ELF1: variants seen among roughly 807,000 people sequenced by gnomAD.
The protein encoded by ELF1 is ETS-related transcription factor Elf-1.
A neutral mutation model predicts 59.9 loss-of-function variants in ELF1; 24 were observed. The ratio of observed to expected loss-of-function variants is 0.40; its 90% CI spans 0.29 to 0.56. The LOEUF is 0.56. ELF1 is among the 20% of genes least tolerant of loss of function. ELF1 has a pLI of 0.44. For missense variants in ELF1, 627 were observed against 742.2 expected (o/e 0.84, Z 1.80); for synonymous variants, 248 against 266.2 (o/e 0.93, Z 0.67).
At chr13:41,001,298 T>C (rs1408010767) in intron 1 of ELF1, among the ~76,000 whole-genome samples, 1 of 151,928 alleles carries the variant, frequency 6.6e-6, no homozygotes, top group Non-Finnish European at 1.5e-5. Context: ...AATTATTATT[T>C]ATATGAAGGC....
intron 1 of ELF1, among the ~76,000 whole-genome samples, chr13:40,987,584 CAAAAA>C (rs374604821): frequency 1.5e-5 from 1 of 68,406 alleles, no homozygotes; most frequent in African/African-American, 4.5e-5. Context: ...GACTCTGTCT[CAAAAA>C]AAAAAAAAAA....
intron 2 of ELF1, among the ~76,000 whole-genome samples, chr13:40,977,535 A>G (rs944718674): frequency 1.3e-5 from 2 of 152,202 alleles, no homozygotes; most frequent in Admixed American, 1.3e-4. Flanking sequence ...AACCCTATTA[A>G]TAGTGTCAGT....
intron 1 of ELF1, among the ~76,000 whole-genome samples, chr13:41,039,335 TTAA>T (rs903395217): frequency 7.8e-5 from 11 of 141,812 alleles, no homozygotes; most frequent in African/African-American, 1.8e-4. Context: ...AGTCCTTTTT[TTAA>T]AAAAAAAAAA....
At chr13:40,974,313 A>G (rs1231242808) in intron 2 of ELF1, among the ~76,000 whole-genome samples, 2 of 152,190 alleles carry the variant, frequency 1.3e-5, no homozygotes, top group Non-Finnish European at 2.9e-5. Flanking sequence ...GCAGGATATA[A>G]TAATTCTTCC....
intron 1 of ELF1, among the ~76,000 whole-genome samples, chr13:41,015,624 G>A (rs1181580678): frequency 2.0e-5 from 3 of 152,028 alleles, no homozygotes; most frequent in African/African-American, 7.2e-5. Flanking sequence ...CAAATCCTAC[G>A]CCTAATGAAT....
At chr13:41,018,289 C>T (rs1307749747) in intron 1 of ELF1, among the ~76,000 whole-genome samples, 1 of 152,100 alleles carries the variant, frequency 6.6e-6, no homozygotes, top group East Asian at 1.9e-4. Flanking sequence ...ACTTGCCAGC[C>T]AAAATCTCAT....
At chr13:41,049,875 C>T (rs1283860086) in intron 1 of ELF1, among the ~76,000 whole-genome samples, 3 of 152,202 alleles carry the variant, frequency 2.0e-5, no homozygotes, top group Non-Finnish European at 4.4e-5. Flanking sequence ...AGGATCTTGT[C>T]AGCTTTTATC....
At chr13:41,002,522 T>C (rs1031861774) in intron 1 of ELF1, among the ~76,000 whole-genome samples, 29 of 141,448 alleles carry the variant, frequency 2.1e-4, no homozygotes, top group Non-Finnish European at 6.0e-5. Flanking sequence ...GAGCTGGTGG[T>C]CCCAGCTACT....
chr13:40,992,980 C>T, intron 1 of ELF1: 1 of 1,094,134 alleles, frequency 9.1e-7, no homozygotes, highest in South Asian at 1.3e-5. Context: ...TTCTTTAAGT[C>T]TTCACAGGCA....
chr13:41,002,186 C>G (rs9590568), intron 1 of ELF1, among the ~76,000 whole-genome samples: 27,627 of 152,024 alleles, frequency 0.18, 2,694 homozygotes, highest in African/African-American at 0.22. Flanking sequence ...GTAACCTCAA[C>G]GCCTTCATTT....
chr13:40,936,099 T>C (rs1231423560), intron 8 of ELF1, among the ~76,000 whole-genome samples: 2 of 152,124 alleles, frequency 1.3e-5, no homozygotes, highest in Admixed American at 6.5e-5. Flanking sequence ...CCTACAAATA[T>C]TATCCCCATC....
intron 2 of ELF1, among the ~76,000 whole-genome samples, chr13:40,962,312 G>A (rs1169618133): frequency 6.6e-6 from 1 of 151,898 alleles, no homozygotes; most frequent in Non-Finnish European, 1.5e-5. Flanking sequence ...ACACACAAAC[G>A]TCAAGAGAAA....
Position 41,050,771 on chromosome 13 carries a change from G to A in ELF1, c.-229+10067C>T, listed in dbSNP as rs555837909. 8.0e-4 allele frequency among the ~76,000 whole-genome samples: 121 copies of A among 152,038 alleles called. 1 individual carries two copies. The highest frequency in any genetic ancestry group is 1.5e-3 in the Non-Finnish European group (104 of 67,974). On this transcript the variant is annotated intron_variant, in intron 1 of 1. Coordinates refer to the ELF1 transcript ENST00000405737. ...TCACCATATTTGCCAGGCTGGTCTCGAACTCCTTACCTCGTGATCCACTTG... is the reference window on the plus strand; with the variant it reads ...TCACCATATTTGCCAGGCTGGTCTCAAACTCCTTACCTCGTGATCCACTTG...
rs566960988 is a variant in ELF1, at chr13:40,987,232, G to A, written c.-228-4950C>T. Among the ~76,000 whole-genome samples the A allele has an allele frequency of 2.4e-3, 358 of 148,070 alleles. 2 individuals carry two copies. Among genetic ancestry groups the A allele is most frequent in the African/African-American group, 8.4e-3 (339 of 40,498 alleles). ...ATTACAGGCGTGAGCCACAGCACCCGGCCGAAAATCACTGCTCTCCTTTTA... is the reference window on the plus strand; with the variant it reads ...ATTACAGGCGTGAGCCACAGCACCCAGCCGAAAATCACTGCTCTCCTTTTA... On this transcript the variant is annotated intron_variant, in intron 1 of 8. Transcript: ENST00000239882.
intron 1 of ELF1, among the ~76,000 whole-genome samples, chr13:40,988,001 A>T (rs1873649814): frequency 6.6e-6 from 1 of 152,246 alleles, no homozygotes; most frequent in South Asian, 2.1e-4. Context: ...AAGTTATACC[A>T]AGTAGAAATG....
At chr13:40,987,602 AAAG>A (rs1290499787) in intron 1 of ELF1, among the ~76,000 whole-genome samples, 21 of 150,418 alleles carry the variant, frequency 1.4e-4, no homozygotes, top group South Asian at 8.7e-4. Context: ...AAAAAAAAAA[AAAG>A]AAAGAAAATT....
At chr13:41,046,536 A>C (rs1034340415) in intron 1 of ELF1, among the ~76,000 whole-genome samples, 2 of 152,100 alleles carry the variant, frequency 1.3e-5, no homozygotes, top group Non-Finnish European at 2.9e-5. Flanking sequence ...TTTCTCCTTC[A>C]CTTATGAAGC....
At chr13:41,001,742 G>A (rs919982519) in intron 1 of ELF1, among the ~76,000 whole-genome samples, 12 of 152,136 alleles carry the variant, frequency 7.9e-5, no homozygotes, top group African/African-American at 2.7e-4. Flanking sequence ...GCAGTGGCAC[G>A]CTCCCATAGC....
At chr13:41,019,439 G>A (rs1377306666), upstream of ELF1, 1 of 980,416 alleles carries the variant, frequency 1.0e-6, no homozygotes, top group Non-Finnish European at 1.2e-6. Context: ...AAATCTGCAG[G>A]TAAAAACGGT....
Sources: allele counts gnomAD v4.1 joint callset (sites outside exome capture counted in the v4.1 genomes callset), GRCh38; gene constraint gnomAD v4.1.1; transcripts MANE v1.5; gene names NCBI Gene and HGNC (gene_info 2026-07-23, HGNC 2026-07-21).